The following AGMO variants were observed in gnomAD, a reference collection of about 807,000 sequenced individuals.
AGMO encodes the protein alkylglycerol monooxygenase.
AGMO carries 75 observed loss-of-function variants against 60.2 expected under a neutral mutation model. That is an observed-to-expected ratio of 1.25 (90% CI 1.03 to 1.51). The LOEUF is 1.51. Ranked by LOEUF, AGMO falls within the 40% of genes most tolerant of loss-of-function variation. The pLI, the probability that AGMO is intolerant of heterozygous loss-of-function variation, is 0.00. For synonymous variants in AGMO, 261 were observed against 177.1 expected, an observed-to-expected ratio of 1.47 and a Z score of -3.76; for missense variants, 763 against 525.5, an observed-to-expected ratio of 1.45 and a Z score of -4.42.
intron 4 of AGMO, among the ~76,000 whole-genome samples, chr7:15,427,881 A>C (rs1249199296): frequency 6.6e-6 from 1 of 152,118 alleles, no homozygotes; most frequent in East Asian, 1.9e-4. Context: ...ATTGGCTTAA[A>C]ATGCAAATAA....
chr7:15,433,016 A>T (rs1781298293), intron 3 of AGMO, among the ~76,000 whole-genome samples: 1 of 152,122 alleles, frequency 6.6e-6, no homozygotes, highest in South Asian at 2.1e-4. Flanking sequence ...TCTTTAGAAC[A>T]TACCCACTGC....
intron 12 of AGMO, among the ~76,000 whole-genome samples, chr7:15,343,725 T>G (rs1181390482): frequency 6.6e-6 from 1 of 152,148 alleles, no homozygotes; most frequent in African/African-American, 2.4e-5. Context: ...GCTGTAATAT[T>G]AACCACAAGC....
chr7:15,420,017 G>A (rs1780883929), intron 4 of AGMO, among the ~76,000 whole-genome samples: 1 of 152,050 alleles, frequency 6.6e-6, no homozygotes, highest in Admixed American at 6.6e-5. Context: ...AAGTTGAGGA[G>A]TGTTTTGGAA....
rs563009952 is a variant in AGMO, at chr7:15,380,714, G to C, written c.1074+4732C>G. 7.8e-4 allele frequency among the ~76,000 whole-genome samples: 118 copies of C among 152,168 alleles called. 3 individuals carry two copies. Among genetic ancestry groups the C allele is most frequent in the Admixed American group, 4.3e-3 (65 of 15,280 alleles). On this transcript the variant is annotated intron_variant, in intron 10 of 12. Coordinates refer to ENST00000342526, the MANE Select transcript of AGMO (RefSeq NM_001004320.2). ...GCACATGGAACCAATAAAAGAGCCC[G>C]AACAGCCCAGACAATCCTAAGTAAA...
intron 10 of AGMO, among the ~76,000 whole-genome samples, chr7:15,377,594 AATTT>A (rs1783505210): frequency 6.6e-6 from 1 of 152,024 alleles, no homozygotes; most frequent in South Asian, 2.1e-4. Flanking sequence ...GAATCAGTAT[AATTT>A]ATTTAGAGAT....
At chr7:15,169,028 T>C in the AGMO span, among the ~76,000 whole-genome samples, 1 of 152,288 alleles carries the variant, frequency 6.6e-6, no homozygotes, top group Non-Finnish European at 1.5e-5. Flanking sequence ...CTAATCCCAT[T>C]TGTCTATTAT....
At chr7:15,163,434 C>T in the AGMO span, among the ~76,000 whole-genome samples, 1 of 151,988 alleles carries the variant, frequency 6.6e-6, no homozygotes, top group Admixed American at 6.6e-5. Context: ...TCTTCTCCAT[C>T]CAATATGATG....
intron 12 of AGMO, among the ~76,000 whole-genome samples, chr7:15,326,313 C>T (rs980057986): frequency 6.6e-6 from 1 of 152,084 alleles, no homozygotes; most frequent in African/African-American, 2.4e-5. Context: ...GACATATAAT[C>T]AGTTTAACCT....
chr7:15,447,948 G>A (rs572245755), intron 3 of AGMO, among the ~76,000 whole-genome samples: 17 of 152,238 alleles, frequency 1.1e-4, no homozygotes, highest in East Asian at 3.9e-4. Context: ...AGAATGGGGG[G>A]TTTTGTTTCT....
At chr7:15,523,332 G>T (rs1784049731) in intron 3 of AGMO, among the ~76,000 whole-genome samples, 2 of 152,142 alleles carry the variant, frequency 1.3e-5, no homozygotes, top group South Asian at 2.1e-4. Flanking sequence ...CCATTACTGG[G>T]TATACACCCA....
intron 12 of AGMO, among the ~76,000 whole-genome samples, chr7:15,248,277 T>C (rs7788278): frequency 0.032 from 4,618 of 143,614 alleles, 243 homozygotes; most frequent in African/African-American, 0.11. Flanking sequence ...TTTCTGAGCA[T>C]TAAATTAATG....
chr7:15,466,542 T>A (rs999283934), intron 3 of AGMO, among the ~76,000 whole-genome samples: 1 of 152,154 alleles, frequency 6.6e-6, no homozygotes, highest in Non-Finnish European at 1.5e-5. Flanking sequence ...GGAACTTGCC[T>A]AGGGTTTTAT....
chr7:15,184,115 T>C, the AGMO span, among the ~76,000 whole-genome samples: 3 of 152,274 alleles, frequency 2.0e-5, no homozygotes, highest in Non-Finnish European at 4.4e-5. Context: ...TCAATATATA[T>C]CAAAAGTCTC....
In AGMO at chr7:15,201,152, A is replaced by G. The variant is rs1403001887; in HGVS notation, c.*133T>C. On this transcript the variant is annotated 3_prime_UTR_variant, in exon 13 of 13. Transcript: ENST00000342526. ...ACAAATGTGAAAGGCAAACAATAGT[A>G]AATAAGTAATTTTACTTTTCATTGA... 1 of 555,848 alleles carries G rather than the reference A, an allele frequency of 1.8e-6. No individual in the cohort carries two copies. Among genetic ancestry groups the G allele is most frequent in the Non-Finnish European group, 2.9e-6 (1 of 345,964 alleles). 34.4% of individuals were successfully genotyped at this position (555,848 alleles called of 1,614,324 possible).
chr7:15,557,433 G>C lies in AGMO; in HGVS notation c.257+2708C>G, dbSNP rs144921599. 1.9e-3 allele frequency among the ~76,000 whole-genome samples: 288 copies of C among 152,086 alleles called. 1 individual carries two copies. The highest frequency in any genetic ancestry group is 6.1e-3 in the African/African-American group (254 of 41,508). The stretch of plus-strand genomic sequence containing the variant: ...CATTGCCGTGTTAATCTAACCCTCA[G>C]CTGTTAATGATTTGCACAGGGATTC... On this transcript the variant is annotated intron_variant, in intron 2 of 12. Transcript: ENST00000342526.
intron 8 of AGMO, among the ~76,000 whole-genome samples, chr7:15,389,227 C>T (rs1170382265): frequency 6.6e-6 from 1 of 152,136 alleles, no homozygotes; most frequent in East Asian, 1.9e-4. Flanking sequence ...TGAACAGAAT[C>T]TGCATTTTAG....
chr7:15,123,059 T>C, the AGMO span, among the ~76,000 whole-genome samples: 1 of 152,070 alleles, frequency 6.6e-6, no homozygotes, highest in Non-Finnish European at 1.5e-5. Context: ...CCTTACCGTT[T>C]TTAGAGCATG....
intron 5 of AGMO, 127 bp downstream of exon 5, chr7:15,418,431 G>T: frequency 4.8e-6 from 3 of 626,304 alleles, no homozygotes; most frequent in Middle Eastern, 2.8e-4. Flanking sequence ...AAAATGAACA[G>T]ATGTTTCTCC....
At chr7:15,275,693 ATTTAT>A (rs955287418) in intron 12 of AGMO, among the ~76,000 whole-genome samples, 1 of 152,066 alleles carries the variant, frequency 6.6e-6, no homozygotes, top group African/African-American at 2.4e-5. Context: ...GTTAAGTAGT[ATTTAT>A]TTTATGAATC....
Sources: allele counts gnomAD v4.1 joint callset (sites outside exome capture counted in the v4.1 genomes callset), GRCh38; gene constraint gnomAD v4.1.1; transcripts MANE v1.5; gene names NCBI Gene and HGNC (gene_info 2026-07-23, HGNC 2026-07-21).